The following CARNMT1 variants were observed in gnomAD, a reference collection of about 807,000 sequenced individuals.
CARNMT1 encodes the protein carnosine N-methyltransferase 1.
Under a neutral mutation model 49.6 loss-of-function variants are expected in CARNMT1, and 28 were observed. The observed-to-expected ratio is 0.56, with a 90% CI of 0.42 to 0.77. The LOEUF is 0.77. CARNMT1 is among the 30% of genes least tolerant of loss of function. The pLI is 0.00. For missense variants in CARNMT1, 421 were observed against 512.6 expected, an observed-to-expected ratio of 0.82 and a Z score of 1.73; for synonymous variants, 178 against 175.0, an observed-to-expected ratio of 1.02 and a Z score of -0.13.
Position 75,028,194 on chromosome 9 carries a change from C to G in CARNMT1, c.48G>C (p.Glu16Asp), listed in dbSNP as rs1450528958. ...TGCCACCGCCTCCTCCCCCGCAGCC[C>G]TCGGGCAGCCGGGAGGTGGGCGGCG... ...RPPPPTSRLP[E>D]GCGGGGGGSE... Residue 16 changes from glutamate to aspartate, a missense_variant, in exon 1 of 8, where the codon GAG (glutamate) becomes GAC (aspartate). Glu to Asp is a conservative substitution (Grantham distance 45, BLOSUM62 2). Around this residue, in one of 2 missense-constraint regions of CARNMT1, gnomAD observed 186 missense variants for 167.9 expected, o/e 1.11. Transcript: ENST00000376834. The G allele has an allele frequency of 1.3e-6, 2 of 1,491,872 alleles. No homozygotes were observed. 92.4% of individuals were successfully genotyped at this position (1,491,872 alleles called of 1,614,324 possible).
chr9:75,003,931 A>C (rs1177741319), intron 3 of CARNMT1, among the ~76,000 whole-genome samples: 1 of 152,244 alleles, frequency 6.6e-6, no homozygotes, highest in Admixed American at 6.5e-5. Flanking sequence ...GCTAGAGTGC[A>C]GTGGCACAAT....
intron 1 of CARNMT1, among the ~76,000 whole-genome samples, chr9:75,025,374 C>T (rs1587316398): frequency 6.6e-6 from 1 of 152,178 alleles, no homozygotes; most frequent in African/African-American, 2.4e-5. Flanking sequence ...GAAGTGGCTA[C>T]AAAATTATTA....
chr9:75,028,197 G>C lies in CARNMT1; in HGVS notation c.45C>G (p.Pro15=), dbSNP rs769078337. Residue 15 remains proline (P), a synonymous_variant, in exon 1 of 8, where the codon CCC becomes CCG. Transcript: ENST00000376834. ...CACCGCCTCCTCCCCCGCAGCCCTC[G>C]GGCAGCCGGGAGGTGGGCGGCGGAG... ...RRPPPPTSRL[P]EGCGGGGGGS... 31 of 1,486,806 alleles carry C rather than the reference G, an allele frequency of 2.1e-5. No individual in the cohort carries two copies. In the East Asian group the frequency reaches 2.9e-4, roughly 14 times the overall value. The allele number at this position is 1,486,806 out of a possible 1,614,324, so 92.1% of individuals were successfully genotyped here. A position where few individuals can be genotyped will look rare whatever the true frequency, so the allele number is the denominator to read the frequency against.
rs763232819 is a variant in CARNMT1, at chr9:74,998,637, T to C, written c.871A>G (p.Met291Val). 11 of 1,597,684 alleles carry C rather than the reference T, an allele frequency of 6.9e-6. No homozygotes were observed. Among genetic ancestry groups the C allele is most frequent in the East Asian group, 4.5e-5 (2 of 44,630 alleles). The change falls in exon 5 of 8, where the codon ATG becomes GTG. Residue 291 changes from methionine (M) to valine (V), a missense_variant. Physicochemically the swap from Met to Val is conservative, Grantham distance 21. This residue lies in a region of CARNMT1 where 235 missense variants were observed against 344.8 expected (regional missense o/e 0.68). Coordinates refer to ENST00000376834, the MANE Select transcript of CARNMT1 (RefSeq NM_152420.3). The part of the protein sequence containing the change: ...HSLPPGSNFS[M>V]TAGDFQEIYS... ...ATCTCTTGAAAATCTCCTGCTGTCA[T>C]AGAAAAGTTAGAACCAGGAGGAAGA...
At chr9:74,995,068 TA>T (rs201220419) in intron 6 of CARNMT1, among the ~76,000 whole-genome samples, 9 of 150,904 alleles carry the variant, frequency 6.0e-5, no homozygotes, top group African/African-American at 1.2e-4. Flanking sequence ...AAACAAATGT[TA>T]AAAAAAAAGC....
intron 6 of CARNMT1, among the ~76,000 whole-genome samples, chr9:74,993,451 G>T (rs181899492): frequency 1.3e-5 from 2 of 152,170 alleles, no homozygotes; most frequent in East Asian, 3.9e-4. Context: ...TTTCATGCAG[G>T]GAGTCTTACA....
At position 75,023,530 on chromosome 9, in the gene CARNMT1, C is replaced by T. The variant is rs115929870; in HGVS notation, c.230+4482G>A. On this transcript the variant is annotated intron_variant, in intron 1 of 7. Coordinates refer to ENST00000376834, the MANE Select transcript of CARNMT1 (RefSeq NM_152420.3). ...CAGAGCAGGATGAGATCCTTAAACC[C>T]CTGGTTACTTAATGGTGTGCAAAGC... is the stretch of plus-strand genomic sequence containing the variant. Among the ~76,000 whole-genome samples, 1,321 of 152,256 alleles carry T rather than the reference C, an allele frequency of 8.7e-3. 16 individuals are homozygous for T. The highest frequency in any genetic ancestry group is 0.03 in the African/African-American group (1,244 of 41,532).
chr9:74,991,362 C>CA (rs1564092445), intron 6 of CARNMT1: 1 of 152,352 alleles, frequency 6.6e-6, no homozygotes, highest in Non-Finnish European at 1.5e-5. Context: ...AGGATGGTCT[C>CA]AATTTCTTGA....
chr9:74,993,036 T>A (rs1833076113), intron 6 of CARNMT1, among the ~76,000 whole-genome samples: 1 of 152,206 alleles, frequency 6.6e-6, no homozygotes, highest in Non-Finnish European at 1.5e-5. Flanking sequence ...TGTTCCCTTT[T>A]TCAAATTTTG....
intron 3 of CARNMT1, among the ~76,000 whole-genome samples, chr9:75,006,931 A>C (rs1385613059): frequency 6.6e-6 from 1 of 152,182 alleles, no homozygotes; most frequent in Non-Finnish European, 1.5e-5. Context: ...TGACACTGTT[A>C]TACTAATTAA....
chr9:75,024,111 T>C (rs1451464038), intron 1 of CARNMT1, among the ~76,000 whole-genome samples: 3 of 152,210 alleles, frequency 2.0e-5, no homozygotes, highest in Admixed American at 2.0e-4. Flanking sequence ...ACACCAGGTC[T>C]GATCTAAAGG....
At position 74,987,801 on chromosome 9, in the gene CARNMT1, T is replaced by TA. The variant is rs571992743; in HGVS notation, c.1025-2792dup. Among the ~76,000 whole-genome samples, 1,335 of 148,040 alleles carry TA rather than the reference T, an allele frequency of 9.0e-3. 15 individuals are homozygous for TA. The highest frequency in any genetic ancestry group is 0.03 in the African/African-American group (1,228 of 40,508). On this transcript the variant is annotated intron_variant, in intron 6 of 7. Coordinates refer to ENST00000376834, the MANE Select transcript of CARNMT1 (RefSeq NM_152420.3). ...ATTATATCTCCAAAAAAATCCAACT[T>TA]AAAAAAAAAACACAACAAGAATTTT...
At chr9:75,021,556 A>G (rs1822365005) in intron 1 of CARNMT1, among the ~76,000 whole-genome samples, 1 of 151,552 alleles carries the variant, frequency 6.6e-6, no homozygotes, top group Non-Finnish European at 1.5e-5. Context: ...TGAACAATGT[A>G]GAAATTAGAA....
At position 74,983,396 on chromosome 9, in the gene CARNMT1, A is replaced by G. The variant is rs1300919796; in HGVS notation, c.*371T>C. On this transcript the variant is annotated 3_prime_UTR_variant, in exon 8 of 8. Coordinates refer to ENST00000376834, the MANE Select transcript of CARNMT1 (RefSeq NM_152420.3). ...GCAATGCATACAAAACAACAAAAAA[A>G]GGAAGATTATTATGTACTTCAATAC... is the stretch of plus-strand genomic sequence containing the variant. 2 of 158,630 alleles carry G rather than the reference A, an allele frequency of 1.3e-5. No individual in the cohort carries two copies. Among genetic ancestry groups the G allele is most frequent in the Non-Finnish European group, 2.8e-5 (2 of 72,534 alleles). The allele number at this position is 158,630 out of a possible 1,614,324, so 9.8% of individuals were successfully genotyped here.
At chr9:75,025,894 G>A (rs905199477) in intron 1 of CARNMT1, among the ~76,000 whole-genome samples, 2 of 152,150 alleles carry the variant, frequency 1.3e-5, no homozygotes, top group Non-Finnish European at 2.9e-5. Flanking sequence ...TAGTGAAACT[G>A]AGCAACTAAA....
At chr9:75,012,052 G>A (rs963025529) in intron 3 of CARNMT1, among the ~76,000 whole-genome samples, 1 of 152,090 alleles carries the variant, frequency 6.6e-6, no homozygotes, top group East Asian at 1.9e-4. Flanking sequence ...GTGTTATGCA[G>A]CAATCCCACT....
chr9:75,005,874 A>ACACACACAC (rs1833496284), intron 3 of CARNMT1, among the ~76,000 whole-genome samples: 3 of 146,488 alleles, frequency 2.0e-5, no homozygotes, highest in Non-Finnish European at 3.0e-5. Flanking sequence ...ACACACACAC[A>ACACACACAC]ATAAAAGGCT....
intron 1 of CARNMT1, among the ~76,000 whole-genome samples, chr9:75,021,809 A>C (rs1822371681): frequency 6.6e-6 from 1 of 152,044 alleles, no homozygotes; most frequent in Non-Finnish European, 1.5e-5. Context: ...GTGGTGGTGC[A>C]TGCCTGTAGT....
intron 7 of CARNMT1, among the ~76,000 whole-genome samples, chr9:74,984,575 C>CA (rs1158285153): frequency 6.6e-6 from 1 of 152,166 alleles, no homozygotes; most frequent in Non-Finnish European, 1.5e-5. Flanking sequence ...CTTCATGTGG[C>CA]AGGTGGTCAA....
Sources: gnomAD v4.1 joint callset for allele counts (sites outside exome capture counted in the v4.1 genomes callset) on GRCh38, gnomAD v4.1.1 for gene constraint, gnomAD v4.1.1 regional missense constraint, MANE v1.5 for transcripts, NCBI Gene and HGNC (gene_info 2026-07-23, HGNC 2026-07-21) for gene names.